FAM234B: variants seen among roughly 807,000 people sequenced by gnomAD.
FAM234B encodes protein FAM234B.
FAM234B carries 33 observed loss-of-function variants against 69.3 expected under a neutral mutation model. The ratio of observed to expected loss-of-function variants is 0.48; its 90% CI spans 0.36 to 0.64. The LOEUF is 0.64. Among genes scored for constraint, FAM234B ranks in the 30% least tolerant of loss-of-function variants. The probability of loss-of-function intolerance (pLI) is 0.00; values close to 1 mark genes in which losing one functional copy is unlikely to be tolerated. For missense variants in FAM234B, 697 were observed against 769.7 expected (o/e 0.91, Z 1.12); for synonymous variants, 306 against 306.9 (o/e 1.00, Z 0.03).
rs569919500 is a variant in FAM234B at position 13,061,904 on chromosome 12, A to G, written c.721+141A>G. On this transcript the variant is annotated intron_variant, in intron 4 of 12. Transcript: ENST00000197268. ...GATCTGGAATATGGTTATTAAGAGAAATGAGAGAAAAGGTTTGGGCAGATT... is the reference window on the plus strand; with the variant it reads ...GATCTGGAATATGGTTATTAAGAGAGATGAGAGAAAAGGTTTGGGCAGATT... 51 of 709,646 alleles carry G rather than the reference A, an allele frequency of 7.2e-5. No individual in the cohort carries two copies. In the South Asian group the frequency reaches 8.3e-4, roughly 12 times the overall value. The allele number at this position is 709,646 out of a possible 1,614,324, so 44.0% of individuals were successfully genotyped here.
intron 11 of FAM234B, among the ~76,000 whole-genome samples, chr12:13,077,160 GTT>G (rs939733099): frequency 6.6e-6 from 1 of 152,012 alleles, no homozygotes; most frequent in Non-Finnish European, 1.5e-5. Context: ...TGAGTGAGCT[GTT>G]TTTTCAACAG....
At chr12:13,065,428 T>A (rs1865026341) in intron 5 of FAM234B, among the ~76,000 whole-genome samples, 1 of 152,242 alleles carries the variant, frequency 6.6e-6, no homozygotes, top group South Asian at 2.1e-4. Context: ...ATTTGTAGTA[T>A]AATTAATATA....
chr12:13,070,164 T>A (rs1463622), intron 9 of FAM234B, among the ~76,000 whole-genome samples: 142,059 of 144,892 alleles, frequency 0.98, 69,662 homozygotes, highest in Non-Finnish European at 1. Flanking sequence ...CTATAATAAT[T>A]AAAAAAAGAT....
rs753462379 is a variant in FAM234B, at chr12:13,055,651, G to T, written c.138G>T (p.Gly46=). 6.2e-6 allele frequency: 10 copies of T among 1,614,190 alleles called. No homozygotes were observed. The highest frequency in any genetic ancestry group is 7.6e-6 in the Non-Finnish European group (9 of 1,180,040). The change falls in exon 2 of 13, where the codon GGG becomes GGT. Residue 46 remains glycine, a synonymous_variant. Coordinates refer to ENST00000197268, the MANE Select transcript of FAM234B (RefSeq NM_020853.2). ...DLVLNLQKNG[G]VKNGKSPLGE... ...TGCTTAACCTGCAGAAGAATGGAGG[G>T]GTCAAAAATGGGAAGAGTCCTTTGG...
At chr12:13,073,745 A>G (rs1220031662) in intron 10 of FAM234B, among the ~76,000 whole-genome samples, 1 of 152,164 alleles carries the variant, frequency 6.6e-6, no homozygotes, top group Non-Finnish European at 1.5e-5. Flanking sequence ...AATTACGTAA[A>G]CTGAACCAAT....
chr12:13,075,987 G>A, intron 10 of FAM234B, 39 bp from the exon 11 acceptor site: 1 of 1,428,478 alleles, frequency 7.0e-7, no homozygotes, highest in East Asian at 2.3e-5. Context: ...TGGGAATGTA[G>A]CGTTACCTTT....
In FAM234B at chr12:13,055,652, G is replaced by T. The variant is rs759178326; in HGVS notation, c.139G>T (p.Val47Phe). The T allele has an allele frequency of 1.2e-6, 2 of 1,614,094 alleles. No individual in the cohort carries two copies. The highest frequency in any genetic ancestry group is 4.5e-5 in the East Asian group (2 of 44,894). Residue 47 changes from valine (V) to phenylalanine (F), a missense_variant, in exon 2 of 13, where the codon GTC (valine) becomes TTC (phenylalanine). By Grantham distance (50) the Val-to-Phe change is conservative (BLOSUM62 -1). Around this residue, in one of 3 missense-constraint regions of FAM234B, gnomAD observed 380 missense variants for 447.1 expected, o/e 0.85. Transcript: ENST00000197268. ...GCTTAACCTGCAGAAGAATGGAGGGGTCAAAAATGGGAAGAGTCCTTTGGG... is the reference window on the plus strand; with the variant it reads ...GCTTAACCTGCAGAAGAATGGAGGGTTCAAAAATGGGAAGAGTCCTTTGGG... ...LVLNLQKNGG[V>F]KNGKSPLGEA...
At chr12:13,045,220 CTT>C (rs55882440) in intron 1 of FAM234B, among the ~76,000 whole-genome samples, 44 of 140,108 alleles carry the variant, frequency 3.1e-4, no homozygotes, top group East Asian at 1.4e-3. Flanking sequence ...GTTTTTTTTC[CTT>C]TTTTTTTTTT....
intron 5 of FAM234B, among the ~76,000 whole-genome samples, chr12:13,063,236 C>A (rs1399670022): frequency 6.6e-6 from 1 of 152,126 alleles, no homozygotes; most frequent in African/African-American, 2.4e-5. Context: ...CCACCTCTAC[C>A]ACTTTATATC....
chr12:13,060,106 A>G (rs1416718901), intron 3 of FAM234B, among the ~76,000 whole-genome samples: 3 of 152,176 alleles, frequency 2.0e-5, no homozygotes, highest in Non-Finnish European at 4.4e-5. Flanking sequence ...CCTTTTGCAC[A>G]TGAGGAAGGT....
chr12:13,046,404 C>T (rs1864812500), intron 1 of FAM234B, among the ~76,000 whole-genome samples: 1 of 152,164 alleles, frequency 6.6e-6, no homozygotes, highest in South Asian at 2.1e-4. Context: ...GTTTGGGCTA[C>T]TGTGTTATGT....
At chr12:13,076,459 A>G (rs760244943) in intron 11 of FAM234B, among the ~76,000 whole-genome samples, 9 of 152,246 alleles carry the variant, frequency 5.9e-5, no homozygotes, top group Non-Finnish European at 1.2e-4. Flanking sequence ...TGTATGCCAG[A>G]CACTGTGCCA....
In FAM234B at chr12:13,055,760, C is replaced by A. The variant is rs1247151134; in HGVS notation, c.247C>A (p.Pro83Thr). 6.2e-7 allele frequency: 1 copy of A among 1,614,070 alleles called. No homozygotes were observed. The highest frequency in any genetic ancestry group is 1.3e-5 in the African/African-American group (1 of 74,940). Residue 83 changes from proline (P) to threonine (T), a missense_variant, in exon 2 of 13, where the codon CCC becomes ACC. By Grantham distance (38) the Pro-to-Thr change is conservative (BLOSUM62 -1). Coordinates refer to ENST00000197268, the MANE Select transcript of FAM234B (RefSeq NM_020853.2). ...TTCAGAAGTCACCACGGAGGGCTAC[C>A]CCTCAGAACCCCTTGGGGGCCTGGA... is the stretch of plus-strand genomic sequence containing the variant. Reference protein sequence around the residue: ...HLSEVTTEGYPSEPLGGLEQK... With the variant: ...HLSEVTTEGYTSEPLGGLEQK...
chr12:13,075,651 T>A (rs558746540), intron 10 of FAM234B, among the ~76,000 whole-genome samples: 2 of 150,056 alleles, frequency 1.3e-5, no homozygotes, highest in Admixed American at 1.3e-4. Context: ...GGACAGGGTT[T>A]CTCCATGTTG....
intron 4 of FAM234B, chr12:13,062,238 T>A (rs745743469): frequency 6.3e-6 from 1 of 158,308 alleles, no homozygotes; most frequent in Admixed American, 6.2e-5. Flanking sequence ...AAGAATAACA[T>A]GTCCTGAAGG....
rs1204643134 is a variant in FAM234B at position 13,063,355 on chromosome 12, A to G, written c.852+380A>G. On this transcript the variant is annotated intron_variant, in intron 5 of 12. Coordinates refer to ENST00000197268, the MANE Select transcript of FAM234B (RefSeq NM_020853.2). The stretch of plus-strand genomic sequence containing the variant: ...CATTGTTATGAAAATTACAGCTAAC[A>G]TATTTAAAGTGCCTAGAGTAGTGCC... Among the ~76,000 whole-genome samples, 9 of 152,366 alleles carry G rather than the reference A, an allele frequency of 5.9e-5. No individual in the cohort carries two copies. The East Asian group carries it at 1.5e-3, about 26-fold the overall frequency.
At chr12:13,066,901 T>C in intron 6 of FAM234B, 114 bp downstream of exon 6, 1 of 1,217,750 alleles carries the variant, frequency 8.2e-7, no homozygotes, top group Non-Finnish European at 1.2e-6. Flanking sequence ...TCCCATAGCC[T>C]TCTAATGCAG....
At chr12:13,076,802 G>A (rs1347860679) in intron 11 of FAM234B, among the ~76,000 whole-genome samples, 1 of 152,232 alleles carries the variant, frequency 6.6e-6, no homozygotes, top group East Asian at 1.9e-4. Context: ...AAAGCATTGG[G>A]ATTGCAGCCT....
chr12:13,057,674 T>C (rs1461148204), intron 2 of FAM234B, among the ~76,000 whole-genome samples: 2 of 152,230 alleles, frequency 1.3e-5, no homozygotes, highest in Non-Finnish European at 2.9e-5. Flanking sequence ...GTGAATTCTC[T>C]CCAAATTTGG....
Sources: gnomAD v4.1 joint callset for allele counts (sites outside exome capture counted in the v4.1 genomes callset) on GRCh38, gnomAD v4.1.1 for gene constraint, gnomAD v4.1.1 regional missense constraint, MANE v1.5 for transcripts, NCBI Gene and HGNC (gene_info 2026-07-23, HGNC 2026-07-21) for gene names.